Variants in OTUD7A observed in about 807,000 individuals in gnomAD.
OTUD7A encodes the protein OTU deubiquitinase 7A, also known as OTU domain-containing protein 7A.
Under a neutral mutation model 65.7 loss-of-function variants are expected in OTUD7A, and 12 were observed. The ratio of observed to expected loss-of-function variants is 0.18; its 90% CI spans 0.12 to 0.30. The LOEUF is 0.30. OTUD7A is among the 10% of genes least tolerant of loss of function. The pLI is 1.00. For synonymous variants in OTUD7A, 641 were observed against 586.3 expected (o/e 1.09, Z -1.35); for missense variants, 1,148 against 1,304.8 (o/e 0.88, Z 1.85).
intron 4 of OTUD7A, among the ~76,000 whole-genome samples, chr15:31,563,631 T>C (rs1888766923): frequency 6.6e-6 from 1 of 152,184 alleles, no homozygotes; most frequent in African/African-American, 2.4e-5. Context: ...TGTCAGGTGG[T>C]GCTGGAGCAC....
chr15:31,644,793 A>G (rs1891614729), intron 3 of OTUD7A, among the ~76,000 whole-genome samples: 1 of 152,198 alleles, frequency 6.6e-6, no homozygotes, highest in Admixed American at 6.5e-5. Context: ...AAAAGTTTTC[A>G]TTACAGGGCT....
chr15:31,820,166 G>A (rs1896644005), intron 1 of OTUD7A, among the ~76,000 whole-genome samples: 1 of 152,184 alleles, frequency 6.6e-6, no homozygotes, highest in Non-Finnish European at 1.5e-5. Context: ...ACAGAAATCA[G>A]TAAATTATCT....
rs1341502606 is a variant in OTUD7A at position 31,484,641 on chromosome 15, G to A, written c.1455C>T (p.Arg485=). ...TGTTAGAATTGCTGCACACCGAATCGCGGTCCGAGTCCAGCGAGTCGGCCA... is the reference window on the plus strand; with the variant it reads ...TGTTAGAATTGCTGCACACCGAATCACGGTCCGAGTCCAGCGAGTCGGCCA... ...QSLADSLDSD[R]DSVCSNSNSN... Residue 485 remains arginine (R), a synonymous_variant, in exon 13 of 13, where the codon CGC becomes CGT. Coordinates refer to ENST00000307050, the MANE Select transcript of OTUD7A (RefSeq NM_001382637.1). The surrounding 1 kb of genome is among the most constrained non-coding windows in gnomAD (Gnocchi z 4.5). The A allele has an allele frequency of 1.9e-6, 3 of 1,588,188 alleles. No individual in the cohort carries two copies. The highest frequency in any genetic ancestry group is 2.3e-5 in the East Asian group (1 of 43,952).
At chr15:31,506,024 C>A (rs1301934406) in intron 8 of OTUD7A, among the ~76,000 whole-genome samples, 2 of 152,062 alleles carry the variant, frequency 1.3e-5, no homozygotes, top group African/African-American at 2.4e-5. Flanking sequence ...AGACGTGAGC[C>A]ACCATGCCTG....
chr15:31,584,726 G>A (rs915599535), intron 3 of OTUD7A, among the ~76,000 whole-genome samples: 1 of 152,202 alleles, frequency 6.6e-6, no homozygotes, highest in African/African-American at 2.4e-5. Flanking sequence ...ATGAAAGTCT[G>A]GGTGCTTGCT....
chr15:31,652,000 C>CAA (rs34951638), intron 3 of OTUD7A, among the ~76,000 whole-genome samples: 4 of 114,712 alleles, frequency 3.5e-5, no homozygotes, highest in Non-Finnish European at 3.8e-5. Flanking sequence ...CATAGAAAGG[C>CAA]AAAAAAAAAA....
chr15:31,785,464 A>T (rs926120280), intron 1 of OTUD7A, among the ~76,000 whole-genome samples: 9 of 152,184 alleles, frequency 5.9e-5, no homozygotes, highest in African/African-American at 2.2e-4. Flanking sequence ...AACAGCAAAA[A>T]GGTGTGTCCC....
intron 3 of OTUD7A, among the ~76,000 whole-genome samples, chr15:31,633,753 G>A (rs1228687931): frequency 6.6e-6 from 1 of 152,098 alleles, no homozygotes; most frequent in Non-Finnish European, 1.5e-5. Flanking sequence ...CTCCTTGTGG[G>A]GAACCTGCTG....
At chr15:31,835,561 T>C (rs1897034112) in intron 1 of OTUD7A, among the ~76,000 whole-genome samples, 3 of 152,190 alleles carry the variant, frequency 2.0e-5, no homozygotes, top group African/African-American at 7.2e-5. Flanking sequence ...AAGTATGCTG[T>C]TTTATTCCCT....
At chr15:31,603,525 T>C (rs778408908) in intron 3 of OTUD7A, among the ~76,000 whole-genome samples, 17 of 152,268 alleles carry the variant, frequency 1.1e-4, no homozygotes, top group South Asian at 2.1e-4. Context: ...ATTCAGGACA[T>C]AGGCACGGGC....
chr15:31,520,047 C>A (rs67886525), intron 8 of OTUD7A, among the ~76,000 whole-genome samples: 6,088 of 152,230 alleles, frequency 0.04, 239 homozygotes, highest in African/African-American at 0.098. Context: ...GAATCAACAT[C>A]ATTAAAATGA....
At chr15:31,669,156 G>A (rs1892411275) in intron 1 of OTUD7A, among the ~76,000 whole-genome samples, 1 of 152,192 alleles carries the variant, frequency 6.6e-6, no homozygotes, top group Non-Finnish European at 1.5e-5. Context: ...ACTTTCCAGG[G>A]AGCATCAGCT....
chr15:31,503,897 G>A (rs561248573), intron 8 of OTUD7A, 79 bp from the exon 9 acceptor site: 1 of 1,541,788 alleles, frequency 6.5e-7, no homozygotes, highest in Non-Finnish European at 8.9e-7. Flanking sequence ...GCTTCATGCA[G>A]GGGCTGAGCC....
chr15:31,819,486 A>G (rs1482835981), intron 1 of OTUD7A, among the ~76,000 whole-genome samples: 1 of 152,208 alleles, frequency 6.6e-6, no homozygotes, highest in Non-Finnish European at 1.5e-5. Flanking sequence ...TCAGAGAGAA[A>G]AGAATATGAC....
intron 3 of OTUD7A, among the ~76,000 whole-genome samples, chr15:31,610,610 TATA>T (rs1314190460): frequency 1.5e-4 from 7 of 47,660 alleles, no homozygotes; most frequent in Middle Eastern, 7.1e-3. Flanking sequence ...TATATATATA[TATA>T]TATATTTTTT....
intron 1 of OTUD7A, among the ~76,000 whole-genome samples, chr15:31,677,318 T>G (rs1892616094): frequency 6.6e-6 from 1 of 152,182 alleles, no homozygotes; most frequent in Non-Finnish European, 1.5e-5. Context: ...TGTGTTAAAG[T>G]GCTGAGATTT....
intron 1 of OTUD7A, among the ~76,000 whole-genome samples, chr15:31,677,430 C>T (rs545636444): frequency 6.6e-6 from 1 of 152,064 alleles, no homozygotes; most frequent in African/African-American, 2.4e-5. Flanking sequence ...TGGCTGTGTC[C>T]CCACCCAAAA....
chr15:31,731,933 C>A (rs931263060), intron 1 of OTUD7A, among the ~76,000 whole-genome samples: 1 of 152,086 alleles, frequency 6.6e-6, no homozygotes, highest in Admixed American at 6.5e-5. Flanking sequence ...TATATAATCA[C>A]ATAAACAGAC....
chr15:31,589,159 A>G (rs1300516374), intron 3 of OTUD7A, among the ~76,000 whole-genome samples: 1 of 152,222 alleles, frequency 6.6e-6, no homozygotes, highest in African/African-American at 2.4e-5. Flanking sequence ...ATACATATAC[A>G]TACACGCATA....
Sources: gnomAD v4.1 joint callset for allele counts (sites outside exome capture counted in the v4.1 genomes callset) on GRCh38, gnomAD v4.1.1 for gene constraint, Gnocchi (gnomAD v3.1) non-coding constraint, MANE v1.5 for transcripts, NCBI Gene and HGNC (gene_info 2026-07-23, HGNC 2026-07-21) for gene names.